The following ARHGAP24 variants were observed in gnomAD, a reference collection of about 807,000 sequenced individuals.
The protein encoded by ARHGAP24 is Rho GTPase activating protein 24, also known as rho GTPase-activating protein 24.
A neutral mutation model predicts 76.4 loss-of-function variants in ARHGAP24; 50 were observed. That is an observed-to-expected ratio of 0.65 (90% CI 0.52 to 0.83). The LOEUF is 0.83. Among genes scored for constraint, ARHGAP24 ranks in the 40% least tolerant of loss-of-function variants. ARHGAP24 has a pLI of 0.00. For synonymous variants in ARHGAP24, 345 were observed against 323.3 expected (o/e 1.07, Z -0.72); for missense variants, 930 against 914.2 (o/e 1.02, Z -0.22).
intron 3 of ARHGAP24, among the ~76,000 whole-genome samples, chr4:85,765,316 G>A (rs1726889258): frequency 6.6e-6 from 1 of 152,054 alleles, no homozygotes; most frequent in Non-Finnish European, 1.5e-5. Flanking sequence ...CCTGCAAGTG[G>A]CATTAAAACG....
intron 3 of ARHGAP24, among the ~76,000 whole-genome samples, chr4:85,886,799 A>T (rs1431201768): frequency 6.6e-6 from 1 of 152,184 alleles, no homozygotes; most frequent in Non-Finnish European, 1.5e-5. Context: ...CTCCACACTG[A>T]TATGAAAATA....
At position 85,494,396 on chromosome 4, in the gene ARHGAP24, A is replaced by G. The variant is rs192879154; in HGVS notation, c.-21+18837A>G. On this transcript the variant is annotated intron_variant, in intron 1 of 9. Transcript: ENST00000395184. ...GTGTTTGGTTTTCTGTTCCTGTGTT[A>G]TATGTAACATTATTATACATTTTTT... Among the ~76,000 whole-genome samples, 56 of 152,172 alleles carry G rather than the reference A, an allele frequency of 3.7e-4. No homozygotes were observed. The East Asian group carries it at 8.1e-3, about 22-fold the overall frequency.
At chr4:85,626,559 G>A (rs1399448273) in intron 2 of ARHGAP24, among the ~76,000 whole-genome samples, 1 of 152,108 alleles carries the variant, frequency 6.6e-6, no homozygotes, top group East Asian at 1.9e-4. Context: ...GTGTCTTGGA[G>A]TTGCTCTTCT....
chr4:85,711,376 CT>C (rs938588704), intron 2 of ARHGAP24, among the ~76,000 whole-genome samples: 14 of 152,218 alleles, frequency 9.2e-5, no homozygotes, highest in African/African-American at 3.4e-4. Flanking sequence ...GAACTTAAAA[CT>C]TAAAAAATCA....
intron 2 of ARHGAP24, among the ~76,000 whole-genome samples, chr4:85,620,950 G>C (rs1452820654): frequency 6.6e-6 from 1 of 151,924 alleles, no homozygotes; most frequent in East Asian, 1.9e-4. Context: ...TCCTTTTGGA[G>C]TCCCTAGTAT....
At chr4:85,874,515 A>G (rs1732713378) in intron 3 of ARHGAP24, among the ~76,000 whole-genome samples, 1 of 151,942 alleles carries the variant, frequency 6.6e-6, no homozygotes, top group Non-Finnish European at 1.5e-5. Flanking sequence ...GTTTTCAAGT[A>G]TTACTAAGGC....
At chr4:85,589,002 G>T (rs1727977744) in intron 2 of ARHGAP24, among the ~76,000 whole-genome samples, 1 of 152,166 alleles carries the variant, frequency 6.6e-6, no homozygotes, top group African/African-American at 2.4e-5. Flanking sequence ...CACCTGCAAG[G>T]TGAAACTTGT....
At chr4:85,537,157 G>C (rs1482550675) in intron 1 of ARHGAP24, among the ~76,000 whole-genome samples, 1 of 151,970 alleles carries the variant, frequency 6.6e-6, no homozygotes, top group African/African-American at 2.4e-5. Context: ...TCAATCAATG[G>C]ACAAGCACCT....
intron 5 of ARHGAP24, among the ~76,000 whole-genome samples, chr4:85,949,860 A>T (rs555545170): frequency 5.3e-5 from 8 of 152,364 alleles, no homozygotes; most frequent in African/African-American, 1.9e-4. Context: ...TAATTTTGGA[A>T]TGTTAACTAT....
intron 3 of ARHGAP24, among the ~76,000 whole-genome samples, chr4:85,850,162 C>T (rs567025755): frequency 2.0e-5 from 3 of 152,118 alleles, no homozygotes; most frequent in Non-Finnish European, 4.4e-5. Flanking sequence ...CAACTTCTTC[C>T]TGGTTTAGAC....
intron 2 of ARHGAP24, among the ~76,000 whole-genome samples, chr4:85,698,778 A>G (rs1723963245): frequency 6.6e-6 from 1 of 152,180 alleles, no homozygotes; most frequent in Non-Finnish European, 1.5e-5. Context: ...TCTTTGATAT[A>G]GTTTGGATAT....
intron 1 of ARHGAP24, among the ~76,000 whole-genome samples, chr4:85,537,290 A>C (rs528496324): frequency 6.6e-6 from 1 of 152,284 alleles, no homozygotes; most frequent in Admixed American, 6.5e-5. Flanking sequence ...AGACTCAATT[A>C]GAGAAAAACA....
At chr4:85,954,250 T>C (rs1025332614) in intron 5 of ARHGAP24, among the ~76,000 whole-genome samples, 2 of 152,218 alleles carry the variant, frequency 1.3e-5, no homozygotes, top group African/African-American at 4.8e-5. Flanking sequence ...AGTAACTTTA[T>C]CAATAATAAC....
At chr4:85,587,904 T>C (rs1727926017) in intron 2 of ARHGAP24, among the ~76,000 whole-genome samples, 2 of 152,108 alleles carry the variant, frequency 1.3e-5, no homozygotes, top group Admixed American at 6.6e-5. Context: ...TAACCTACTA[T>C]GAGGAAAATA....
intron 3 of ARHGAP24, among the ~76,000 whole-genome samples, chr4:85,759,317 A>G (rs940192031): frequency 1.3e-5 from 2 of 152,172 alleles, no homozygotes; most frequent in African/African-American, 4.8e-5. Context: ...ACTTTTTGCC[A>G]GAAGAACCAG....
intron 2 of ARHGAP24, among the ~76,000 whole-genome samples, chr4:85,720,757 C>G (rs868746880): frequency 2.4e-4 from 36 of 152,216 alleles, no homozygotes; most frequent in African/African-American, 7.9e-4. Flanking sequence ...CAGCAAAAGA[C>G]ATTCAGACAA....
At chr4:85,802,388 A>G (rs960400205) in intron 3 of ARHGAP24, among the ~76,000 whole-genome samples, 10 of 152,228 alleles carry the variant, frequency 6.6e-5, no homozygotes, top group African/African-American at 2.4e-4. Flanking sequence ...ATGTCTACCT[A>G]ACTGTGCTGC....
chr4:85,883,484 G>A (rs1417568943), intron 3 of ARHGAP24, among the ~76,000 whole-genome samples: 1 of 152,112 alleles, frequency 6.6e-6, no homozygotes, highest in African/African-American at 2.4e-5. Context: ...AAGACCCAAT[G>A]GCAATGAACA....
chr4:85,624,399 T>C (rs1376546394), intron 2 of ARHGAP24, among the ~76,000 whole-genome samples: 4 of 152,216 alleles, frequency 2.6e-5, no homozygotes, highest in Middle Eastern at 3.4e-3. Context: ...TATTGATTTG[T>C]GTATGTTGAA....
Sources: gnomAD v4.1 joint callset for allele counts (sites outside exome capture counted in the v4.1 genomes callset) on GRCh38, gnomAD v4.1.1 for gene constraint, MANE v1.5 for transcripts, NCBI Gene and HGNC (gene_info 2026-07-23, HGNC 2026-07-21) for gene names.